Variants in MMUT observed in about 807,000 individuals in gnomAD.
MMUT encodes the protein methylmalonyl-CoA mutase, mitochondrial.
A neutral mutation model predicts 79.9 loss-of-function variants in MMUT; 79 were observed. The ratio of observed to expected loss-of-function variants is 0.99; its 90% CI spans 0.82 to 1.19. MMUT has a LOEUF of 1.19. Ranked by LOEUF, MMUT falls within the 50% of genes most tolerant of loss-of-function variation. The probability of loss-of-function intolerance (pLI) is 0.00; values close to 1 mark genes in which losing one functional copy is unlikely to be tolerated. For synonymous variants in MMUT, 273 were observed against 295.7 expected (o/e 0.92, Z 0.79); for missense variants, 860 against 917.2 (o/e 0.94, Z 0.81).
chr6:49,431,933 T>C, intron 12 of MMUT, 77 bp from the exon 13 acceptor site: 1 of 1,529,398 alleles, frequency 6.5e-7, no homozygotes, highest in Non-Finnish European at 9.0e-7. Context: ...CCTTTCTTCT[T>C]TGTCACTCAA....
In MMUT at chr6:49,435,521, T is replaced by C; in HGVS notation, c.2059A>G (p.Lys687Glu). 1 of 1,614,144 alleles carries C rather than the reference T, an allele frequency of 6.2e-7. No homozygotes were observed. The highest frequency in any genetic ancestry group is 8.5e-7 in the Non-Finnish European group (1 of 1,180,020). Residue 687 changes from lysine to glutamate, a missense_variant, in exon 12 of 13, where the codon AAA (lysine) becomes GAA (glutamate). Physicochemically the swap from Lys to Glu is moderately conservative, Grantham distance 56. Transcript: ENST00000274813. ...GHKTLVPELIKELNSLGRPDI... is the reference protein window; with the variant it reads ...GHKTLVPELIEELNSLGRPDI... ...GGCCGTCCAAGGGAGTTAAGTTCTTTGATGAGTTCAGGAACTAGGGTTTTA... is the reference window on the plus strand; with the variant it reads ...GGCCGTCCAAGGGAGTTAAGTTCTTCGATGAGTTCAGGAACTAGGGTTTTA...
At chr6:49,433,598 A>C (rs1178973235) in intron 12 of MMUT, among the ~76,000 whole-genome samples, 2 of 152,112 alleles carry the variant, frequency 1.3e-5, no homozygotes, top group Non-Finnish European at 2.9e-5. Context: ...TGCTGAAAAA[A>C]CTTGGAGGCG....
At chr6:49,437,467 A>G (rs530215280) in intron 11 of MMUT, among the ~76,000 whole-genome samples, 153 of 152,314 alleles carry the variant, frequency 1.0e-3, no homozygotes, top group Admixed American at 2.0e-3. Flanking sequence ...ATAGGGAGTG[A>G]TAAGTTTTTA....
At chr6:49,458,401 T>G (rs1477220661) in intron 2 of MMUT, among the ~76,000 whole-genome samples, 1 of 152,224 alleles carries the variant, frequency 6.6e-6, no homozygotes, top group Non-Finnish European at 1.5e-5. Flanking sequence ...GCTGTTCATA[T>G]ATGGCAAAAA....
At chr6:49,440,559 C>T (rs1191905584) in intron 10 of MMUT, among the ~76,000 whole-genome samples, 2 of 151,928 alleles carry the variant, frequency 1.3e-5, no homozygotes. Flanking sequence ...TAAACACGTG[C>T]CATGGTAAAC....
At chr6:49,450,139 G>A (rs1445122279) in intron 6 of MMUT, among the ~76,000 whole-genome samples, 3 of 151,506 alleles carry the variant, frequency 2.0e-5, no homozygotes, top group Non-Finnish European at 4.4e-5. Flanking sequence ...GCTGAGACAG[G>A]AGAATCGCTT....
chr6:49,457,564 G>A (rs1767720259), intron 3 of MMUT, 127 bp downstream of exon 3: 1 of 820,364 alleles, frequency 1.2e-6, no homozygotes, highest in Non-Finnish European at 1.8e-6. Context: ...AAAACAAAAA[G>A]TAACAATAAC....
chr6:49,461,795 T>G (rs186661164), intron 1 of MMUT, among the ~76,000 whole-genome samples: 1 of 152,276 alleles, frequency 6.6e-6, no homozygotes, highest in Admixed American at 6.5e-5. Context: ...ACCTTCCATT[T>G]TTTTAATACT....
intron 12 of MMUT, among the ~76,000 whole-genome samples, chr6:49,432,536 C>T (rs941061652): frequency 4.6e-5 from 7 of 152,152 alleles, no homozygotes; most frequent in African/African-American, 1.2e-4. Flanking sequence ...TACAGGCGCC[C>T]GCCACCATGC....
chr6:49,433,671 T>C (rs1262413507), intron 12 of MMUT, among the ~76,000 whole-genome samples: 1 of 152,106 alleles, frequency 6.6e-6, no homozygotes, highest in African/African-American at 2.4e-5. Context: ...AGAGACCACG[T>C]TTATTCATTT....
chr6:49,450,680 A>C (rs1378996379), intron 6 of MMUT, among the ~76,000 whole-genome samples: 1 of 152,208 alleles, frequency 6.6e-6, no homozygotes, highest in Non-Finnish European at 1.5e-5. Context: ...ATAAAAATAG[A>C]ATAAAGACAT....
At chr6:49,439,740 C>T (rs1253640503) in intron 11 of MMUT, among the ~76,000 whole-genome samples, 1 of 152,166 alleles carries the variant, frequency 6.6e-6, no homozygotes, top group Non-Finnish European at 1.5e-5. Flanking sequence ...AGGTCCCACA[C>T]CACTGGACCC....
chr6:49,457,839 G>A lies in MMUT; in HGVS notation c.605C>T (p.Thr202Ile), dbSNP rs576792926. The A allele has an allele frequency of 6.2e-7, 1 of 1,613,732 alleles. No homozygotes were observed. Among genetic ancestry groups the A allele is most frequent in the Admixed American group, 1.7e-5 (1 of 60,006 alleles). ...TTTAGGTACACCTTGTTCTTCTCCAGTTACTATAAAATTTGCAAGAACTGG... is the reference window on the plus strand; with the variant it reads ...TTTAGGTACACCTTGTTCTTCTCCAATTACTATAAAATTTGCAAGAACTGG... ...VIPVLANFIV[T>I]GEEQGVPKEK... Residue 202 changes from threonine to isoleucine, a missense_variant, in exon 3 of 13, where the codon ACT becomes ATT. Physicochemically the swap from Thr to Ile is moderately conservative, Grantham distance 89 (BLOSUM62 -1). Transcript: ENST00000274813.
chr6:49,444,533 T>G (rs1767358732), intron 9 of MMUT, 106 bp downstream of exon 9: 7 of 854,778 alleles, frequency 8.2e-6, no homozygotes, highest in Non-Finnish European at 1.4e-5. Flanking sequence ...TATTTTCTTT[T>G]GGGCTCACAT....
At chr6:49,438,070 CAAGT>C (rs1460877566) in intron 11 of MMUT, among the ~76,000 whole-genome samples, 3 of 151,012 alleles carry the variant, frequency 2.0e-5, no homozygotes, top group Non-Finnish European at 4.4e-5. Context: ...GATGTAATTA[CAAGT>C]AAGTAAATCT....
intron 11 of MMUT, among the ~76,000 whole-genome samples, chr6:49,437,335 G>A (rs1246083787): frequency 2.6e-5 from 4 of 151,566 alleles, no homozygotes; most frequent in South Asian, 4.2e-4. Context: ...CTATTAACAT[G>A]ACATTACTAA....
At chr6:49,448,746 T>C in intron 7 of MMUT, 70 bp downstream of exon 7, 2 of 1,308,194 alleles carry the variant, frequency 1.5e-6, no homozygotes, top group Admixed American at 1.7e-5. Flanking sequence ...ACTATACATG[T>C]TATCTTCAAA....
At position 49,451,636 on chromosome 6, in the gene MMUT, T is replaced by C. The variant is rs766010704; in HGVS notation, c.1162A>G (p.Asn388Asp). Residue 388 changes from asparagine (N) to aspartate (D), a missense_variant, in exon 6 of 13, where the codon AAT becomes GAT. By Grantham distance (23) the Asn-to-Asp change is conservative. Coordinates refer to ENST00000274813, the MANE Select transcript of MMUT (RefSeq NM_000255.4). ...AAACCCAAAGCTTCATCAAAAGAAT[T>C]TGTGTGCAAAGACTGAGTCCCTCCA... ...VFGGTQSLHT[N>D]SFDEALGLPT... 5 of 1,614,136 alleles carry C rather than the reference T, an allele frequency of 3.1e-6. No individual in the cohort carries two copies. The East Asian group carries it at 1.1e-4, about 36-fold the overall frequency.
intron 1 of MMUT, among the ~76,000 whole-genome samples, chr6:49,459,810 T>A (rs1398670384): frequency 6.6e-6 from 1 of 152,226 alleles, no homozygotes; most frequent in Non-Finnish European, 1.5e-5. Flanking sequence ...AATATGACTA[T>A]GTCACACTCC....
Sources: gnomAD v4.1 joint callset for allele counts (sites outside exome capture counted in the v4.1 genomes callset) on GRCh38, gnomAD v4.1.1 for gene constraint, MANE v1.5 for transcripts, NCBI Gene and HGNC (gene_info 2026-07-23, HGNC 2026-07-21) for gene names.